The following EPHA6 variants were observed in gnomAD, a reference collection of about 807,000 sequenced individuals.
EPHA6 encodes the protein ephrin type-A receptor 6.
In EPHA6, 50 loss-of-function variants were observed where a neutral mutation model predicts 112.0. The observed-to-expected ratio is 0.45, with a 90% CI of 0.36 to 0.56. The LOEUF (loss-of-function observed/expected upper bound fraction) is 0.56. Among genes scored for constraint, EPHA6 ranks in the 20% least tolerant of loss-of-function variants. EPHA6 has a pLI of 0.00. For synonymous variants in EPHA6, 529 were observed against 490.7 expected, an observed-to-expected ratio of 1.08 and a Z score of -1.03; for missense variants, 1,280 against 1,417.4, an observed-to-expected ratio of 0.90 and a Z score of 1.56.
intron 6 of EPHA6, among the ~76,000 whole-genome samples, chr3:97,411,530 T>C (rs2087717855): frequency 2.0e-5 from 3 of 152,094 alleles, no homozygotes; most frequent in African/African-American, 7.2e-5. Flanking sequence ...TTATAGAAGC[T>C]GCATTTAGTG....
chr3:97,065,087 CTG>C (rs1328719348), intron 3 of EPHA6, among the ~76,000 whole-genome samples: 1 of 152,092 alleles, frequency 6.6e-6, no homozygotes, highest in African/African-American at 2.4e-5. Context: ...TAAGCTGTGA[CTG>C]TCAAAATTCT....
At chr3:97,400,130 T>C (rs1048755722) in intron 5 of EPHA6, among the ~76,000 whole-genome samples, 1 of 151,676 alleles carries the variant, frequency 6.6e-6, no homozygotes, top group African/African-American at 2.4e-5. Context: ...TGGTGAGAGA[T>C]AGGTATCTAG....
At chr3:97,595,990 T>C (rs1414442682) in intron 12 of EPHA6, among the ~76,000 whole-genome samples, 6 of 150,132 alleles carry the variant, frequency 4.0e-5, no homozygotes, top group African/African-American at 7.4e-5. Context: ...ACTGCAAGCT[T>C]CGCCTCCCGG....
chr3:97,659,132 T>C (rs929244795), intron 14 of EPHA6, among the ~76,000 whole-genome samples: 7 of 152,116 alleles, frequency 4.6e-5, no homozygotes, highest in African/African-American at 1.7e-4. Flanking sequence ...CAGACTTAAA[T>C]TGGGATTCCC....
chr3:97,102,549 T>G (rs2047434903), intron 3 of EPHA6, among the ~76,000 whole-genome samples: 1 of 152,030 alleles, frequency 6.6e-6, no homozygotes, highest in East Asian at 1.9e-4. Flanking sequence ...TAAACTTCTG[T>G]GCTTTTGCTA....
At chr3:97,332,822 C>T (rs1339175515) in intron 5 of EPHA6, among the ~76,000 whole-genome samples, 1 of 152,104 alleles carries the variant, frequency 6.6e-6, no homozygotes, top group African/African-American at 2.4e-5. Context: ...TTGATTTATA[C>T]ATCTATAGTC....
intron 2 of EPHA6, among the ~76,000 whole-genome samples, chr3:96,911,485 G>A (rs2039210846): frequency 6.6e-6 from 1 of 151,936 alleles, no homozygotes; most frequent in Non-Finnish European, 1.5e-5. Context: ...CAAGCTTTAA[G>A]ATAGCAGTTA....
intron 5 of EPHA6, among the ~76,000 whole-genome samples, chr3:97,248,728 G>A (rs1376505710): frequency 6.6e-6 from 1 of 152,060 alleles, no homozygotes; most frequent in East Asian, 1.9e-4. Flanking sequence ...CAGATTTCAT[G>A]TACCTACTGT....
intron 14 of EPHA6, among the ~76,000 whole-genome samples, chr3:97,649,289 G>C (rs561457099): frequency 3.0e-4 from 46 of 152,154 alleles, no homozygotes; most frequent in African/African-American, 1.1e-3. Context: ...ATCACACCTT[G>C]TGATGGTCAC....
At chr3:97,583,310 C>G (rs934075244) in intron 11 of EPHA6, among the ~76,000 whole-genome samples, 1 of 151,738 alleles carries the variant, frequency 6.6e-6, no homozygotes, top group Admixed American at 6.6e-5. Flanking sequence ...GAAGCCGAGG[C>G]GGGTGTATCA....
intron 6 of EPHA6, among the ~76,000 whole-genome samples, chr3:97,441,801 G>A (rs991854771): frequency 1.3e-5 from 2 of 151,764 alleles, no homozygotes; most frequent in African/African-American, 4.9e-5. Flanking sequence ...CTATGTAACT[G>A]ACTTCTCTTG....
chr3:97,042,638 G>A (rs1174485080), intron 3 of EPHA6, among the ~76,000 whole-genome samples: 1 of 152,000 alleles, frequency 6.6e-6, no homozygotes, highest in Non-Finnish European at 1.5e-5. Flanking sequence ...TCGCCTCCCT[G>A]TAGATCTAGC....
chr3:97,060,403 A>T (rs1280557106), intron 3 of EPHA6, among the ~76,000 whole-genome samples: 1 of 152,218 alleles, frequency 6.6e-6, no homozygotes, highest in Non-Finnish European at 1.5e-5. Context: ...TCATCATTTC[A>T]TCAAATGAAC....
chr3:96,863,059 CTTTAT>C (rs2036098801), intron 1 of EPHA6, among the ~76,000 whole-genome samples: 1 of 151,830 alleles, frequency 6.6e-6, no homozygotes, highest in Non-Finnish European at 1.5e-5. Flanking sequence ...ATTTTTAGAA[CTTTAT>C]TTTATTGCCC....
intron 3 of EPHA6, among the ~76,000 whole-genome samples, chr3:97,199,593 A>G (rs1163712140): frequency 2.6e-5 from 4 of 152,158 alleles, no homozygotes; most frequent in Admixed American, 2.0e-4. Context: ...TGGAATCTGT[A>G]TTCTAGTCCT....
At chr3:96,911,926 C>T (rs2039237543) in intron 2 of EPHA6, among the ~76,000 whole-genome samples, 1 of 151,646 alleles carries the variant, frequency 6.6e-6, no homozygotes, top group South Asian at 2.1e-4. Context: ...CTTCTATTAC[C>T]TTTTCACAAC....
intron 12 of EPHA6, among the ~76,000 whole-genome samples, chr3:97,605,587 A>G (rs931546442): frequency 6.6e-6 from 1 of 151,344 alleles, no homozygotes; most frequent in Non-Finnish European, 1.5e-5. Context: ...TGGATTCTCT[A>G]TTCTTTTCCA....
chr3:97,709,590 G>A (rs2033860382), intron 14 of EPHA6, among the ~76,000 whole-genome samples: 1 of 152,220 alleles, frequency 6.6e-6, no homozygotes, highest in Non-Finnish European at 1.5e-5. Flanking sequence ...GGGAAGGCAT[G>A]GTTGCTTTTG....
At position 97,324,413 on chromosome 3, in the gene EPHA6, C is replaced by CCTTCT. The variant is rs202167437; in HGVS notation, c.1606+80126_1606+80127insCTTCT. On this transcript the variant is annotated intron_variant, in intron 5 of 17. Coordinates refer to ENST00000389672, the MANE Select transcript of EPHA6 (RefSeq NM_001080448.3). ...TTTCTTTGCTTTCCTTCTTTTCTTT[C>CCTTCT]TTTCTTTCTTTCTTTCTTTCTTTCT... 6.3e-3 allele frequency among the ~76,000 whole-genome samples: 730 copies of CCTTCT among 116,672 alleles called. 6 individuals are homozygous for CCTTCT. Among genetic ancestry groups the CCTTCT allele is most frequent in the African/African-American group, 0.022 (650 of 29,506 alleles). The allele number at this position is 116,672 out of a possible 152,430, so 76.5% of individuals were successfully genotyped here. A position where few individuals can be genotyped will look rare whatever the true frequency, so the allele number is the denominator to read the frequency against.
Sources: gnomAD v4.1 joint callset for allele counts (sites outside exome capture counted in the v4.1 genomes callset) on GRCh38, gnomAD v4.1.1 for gene constraint, MANE v1.5 for transcripts, NCBI Gene and HGNC (gene_info 2026-07-23, HGNC 2026-07-21) for gene names.